The following CELF4 variants were observed in gnomAD, a reference collection of about 807,000 sequenced individuals.
CELF4 encodes CUG-BP- and ETR-3-like factor 4.
CELF4 carries 18 observed loss-of-function variants against 59.9 expected under a neutral mutation model. That is an observed-to-expected ratio of 0.30 (90% CI 0.21 to 0.45). The LOEUF is 0.45. Ranked by LOEUF, CELF4 falls within the 20% of genes least tolerant of loss-of-function variation. The probability of loss-of-function intolerance (pLI) is 1.00; values close to 1 mark genes in which losing one functional copy is unlikely to be tolerated. For missense variants in CELF4, 456 were observed against 689.0 expected (o/e 0.66, Z 3.79); for synonymous variants, 261 against 267.1 (o/e 0.98, Z 0.22).
Position 37,253,769 on chromosome 18 carries a change from G to C in CELF4, c.*42C>G. ...GCGCCCCGGCCGCCCCCGGTTACCTGTGCGAGTCCTGGTCTCCCCCGGGGG... is the reference window on the plus strand; with the variant it reads ...GCGCCCCGGCCGCCCCCGGTTACCTCTGCGAGTCCTGGTCTCCCCCGGGGG... On this transcript the variant is annotated splice_region_variant and 3_prime_UTR_variant, in exon 12 of 13. Transcript: ENST00000420428. This position sits in a 1 kb window ranked among gnomAD's most constrained non-coding sequence, Gnocchi z 4.5. 3 of 1,574,286 alleles carry C rather than the reference G, an allele frequency of 1.9e-6. No homozygotes were observed. The highest frequency in any genetic ancestry group is 2.6e-6 in the Non-Finnish European group (3 of 1,158,634).
chr18:37,293,074 G>C (rs951379177), intron 3 of CELF4, among the ~76,000 whole-genome samples: 2 of 152,226 alleles, frequency 1.3e-5, no homozygotes, highest in Non-Finnish European at 1.5e-5. Context: ...TGAGAGAGGG[G>C]TGGAAGCCTA....
At chr18:37,456,966 T>C (rs1275302064) in intron 2 of CELF4, among the ~76,000 whole-genome samples, 1 of 152,204 alleles carries the variant, frequency 6.6e-6, no homozygotes, top group Admixed American at 6.5e-5. Flanking sequence ...TGGGACAGCC[T>C]GATCTTCCTC....
intron 3 of CELF4, among the ~76,000 whole-genome samples, chr18:37,308,900 T>G (rs937881532): frequency 7.2e-5 from 11 of 152,178 alleles, no homozygotes; most frequent in African/African-American, 2.7e-4. Context: ...TACCTGCTCC[T>G]CCCAGCTGAC....
At chr18:37,439,158 G>A (rs2099703487) in intron 2 of CELF4, among the ~76,000 whole-genome samples, 1 of 152,164 alleles carries the variant, frequency 6.6e-6, no homozygotes, top group African/African-American at 2.4e-5. Flanking sequence ...CTCTCACTAG[G>A]TTTTGCAGCT....
At position 37,254,919 on chromosome 18, in the gene CELF4, C is replaced by T. The variant is rs2068236719; in HGVS notation, c.1334-981G>A. ...CAAACTGGCCCTAATAGGTGCTCCT[C>T]GAGAAAGGGCTTGTGTGGTCAGGAG... On this transcript the variant is annotated intron_variant, in intron 11 of 12. Coordinates refer to ENST00000420428, the MANE Select transcript of CELF4 (RefSeq NM_020180.4). This position sits in a 1 kb window ranked among gnomAD's most constrained non-coding sequence, Gnocchi z 5.1. Among the ~76,000 whole-genome samples, 1 of 152,190 alleles carries T rather than the reference C, an allele frequency of 6.6e-6. No individual in the cohort carries two copies. Among genetic ancestry groups the T allele is most frequent in the African/African-American group, 2.4e-5 (1 of 41,464 alleles).
At chr18:37,317,865 A>C (rs1327382418) in intron 3 of CELF4, among the ~76,000 whole-genome samples, 1 of 151,894 alleles carries the variant, frequency 6.6e-6, no homozygotes, top group Non-Finnish European at 1.5e-5. Context: ...AGACACCCCC[A>C]CACCTCATGT....
At chr18:37,423,879 C>T (rs1424423375) in intron 2 of CELF4, among the ~76,000 whole-genome samples, 2 of 151,986 alleles carry the variant, frequency 1.3e-5, no homozygotes, top group African/African-American at 4.8e-5. Flanking sequence ...CTTCTCGCTC[C>T]ATAAGGAACA....
rs563062284 is a variant in CELF4 at position 37,409,862 on chromosome 18, C to T, written c.369+75663G>A. ...CCCAACCACCTGCCATTCTGCCATT[C>T]TGGGCTCCCTGGGGCACTGCAGACA... is the stretch of plus-strand genomic sequence containing the variant. On this transcript the variant is annotated intron_variant, in intron 2 of 12. Transcript: ENST00000420428. Among the ~76,000 whole-genome samples the T allele has an allele frequency of 7.2e-5, 11 of 152,342 alleles. No individual in the cohort carries two copies. The East Asian group carries it at 2.1e-3, about 29-fold the overall frequency.
At chr18:37,353,763 C>A (rs2098509786) in intron 2 of CELF4, among the ~76,000 whole-genome samples, 1 of 119,560 alleles carries the variant, frequency 8.4e-6, no homozygotes, top group African/African-American at 3.0e-5. Context: ...GGGGGCAGTT[C>A]TTTCTTTTTT....
At chr18:37,531,075 G>A (rs989908224) in intron 1 of CELF4, among the ~76,000 whole-genome samples, 2 of 152,126 alleles carry the variant, frequency 1.3e-5, no homozygotes, top group Non-Finnish European at 2.9e-5. Context: ...GCAAGATGGG[G>A]TGAGGTCACA....
chr18:37,306,696 C>T (rs931107530), intron 3 of CELF4, among the ~76,000 whole-genome samples: 2 of 152,102 alleles, frequency 1.3e-5, no homozygotes, highest in African/African-American at 4.8e-5. Context: ...TCAGTGGCCC[C>T]GATGGCATGC....
chr18:37,402,076 C>T (rs1303144527), intron 2 of CELF4, among the ~76,000 whole-genome samples: 2 of 152,212 alleles, frequency 1.3e-5, no homozygotes, highest in Non-Finnish European at 2.9e-5. Context: ...CTCCAACTCC[C>T]TCACTTGAAA....
intron 2 of CELF4, among the ~76,000 whole-genome samples, chr18:37,484,547 G>T (rs1178993980): frequency 6.6e-6 from 1 of 152,204 alleles, no homozygotes; most frequent in African/African-American, 2.4e-5. Context: ...TTAATGGAAG[G>T]AAGGCCCTGT....
At chr18:37,437,290 C>T (rs1603639175) in intron 2 of CELF4, among the ~76,000 whole-genome samples, 1 of 152,328 alleles carries the variant, frequency 6.6e-6, no homozygotes, top group South Asian at 2.1e-4. Flanking sequence ...TGGGAGACCC[C>T]TCCTCCTGGT....
At chr18:37,469,820 T>C (rs1436689930) in intron 2 of CELF4, among the ~76,000 whole-genome samples, 1 of 152,134 alleles carries the variant, frequency 6.6e-6, no homozygotes, top group East Asian at 1.9e-4. Flanking sequence ...TAACAGGAGT[T>C]AGAAGAGTTT....
At chr18:37,303,497 A>G (rs2096207880) in intron 3 of CELF4, among the ~76,000 whole-genome samples, 1 of 152,200 alleles carries the variant, frequency 6.6e-6, no homozygotes. Context: ...GCTCTTAGCA[A>G]AAGGCAGTCC....
intron 2 of CELF4, among the ~76,000 whole-genome samples, chr18:37,380,210 C>T (rs1438497949): frequency 1.3e-5 from 2 of 152,206 alleles, no homozygotes; most frequent in African/African-American, 2.4e-5. Flanking sequence ...CTTGGACCAG[C>T]TGCCATCCCT....
At chr18:37,295,718 C>T (rs970736624) in intron 3 of CELF4, among the ~76,000 whole-genome samples, 1 of 152,250 alleles carries the variant, frequency 6.6e-6, no homozygotes, top group Non-Finnish European at 1.5e-5. Context: ...CTGTACTTCA[C>T]ATCCCCATTC....
At chr18:37,343,555 CT>C (rs889323547) in intron 2 of CELF4, among the ~76,000 whole-genome samples, 266 of 152,052 alleles carry the variant, frequency 1.7e-3, no homozygotes, top group African/African-American at 6.2e-3. Context: ...CATCCCACCC[CT>C]GGTATATGTG....
Sources: gnomAD v4.1 joint callset for allele counts (sites outside exome capture counted in the v4.1 genomes callset) on GRCh38, gnomAD v4.1.1 for gene constraint, Gnocchi (gnomAD v3.1) non-coding constraint, MANE v1.5 for transcripts, NCBI Gene and HGNC (gene_info 2026-07-23, HGNC 2026-07-21) for gene names.